The following RGS7 variants were observed in gnomAD, a reference collection of about 807,000 sequenced individuals.
RGS7 encodes regulator of G protein signaling 7.
RGS7 carries 27 observed loss-of-function variants against 81.1 expected under a neutral mutation model. That is an observed-to-expected ratio of 0.33 (90% confidence interval 0.25 to 0.46). The LOEUF is 0.46. Among genes scored for constraint, RGS7 ranks in the 20% least tolerant of loss-of-function variants. The pLI is 1.00. For missense variants in RGS7, 396 were observed against 607.4 expected, an observed-to-expected ratio of 0.65 and a Z score of 3.66; for synonymous variants, 208 against 207.7, an observed-to-expected ratio of 1.00 and a Z score of -0.01.
rs1572907423 is a variant in RGS7 at position 241,153,289 on chromosome 1, G to A, written c.79-54527C>T. On this transcript the variant is annotated intron_variant, in intron 2 of 18. Coordinates refer to ENST00000440928, the MANE Select transcript of RGS7 (RefSeq NM_001364886.1). ...AGGGCACAGCATTTGTGCAGGTACT[G>A]TGAGACCAAATGCACTGCCTTCAAG... is the stretch of plus-strand genomic sequence containing the variant. Among the ~76,000 whole-genome samples, 3 of 152,344 alleles carry A rather than the reference G, an allele frequency of 2.0e-5. No homozygotes were observed. In the South Asian group the frequency reaches 6.2e-4, roughly 32 times the overall value.
intron 14 of RGS7, 61 bp downstream of exon 14, chr1:240,811,857 T>C: frequency 7.0e-7 from 1 of 1,422,432 alleles, no homozygotes. Context: ...ACCTCCAAAA[T>C]AACCAGACAC....
intron 9 of RGS7, among the ~76,000 whole-genome samples, chr1:240,863,507 G>A (rs1286375879): frequency 6.6e-6 from 1 of 152,096 alleles, no homozygotes; most frequent in African/African-American, 2.4e-5. Flanking sequence ...TAAAAATGTA[G>A]ATCCTTTTTG....
At chr1:241,104,985 G>T (rs1460600879) in intron 2 of RGS7, among the ~76,000 whole-genome samples, 1 of 152,132 alleles carries the variant, frequency 6.6e-6, no homozygotes, top group Non-Finnish European at 1.5e-5. Flanking sequence ...TTTAAGATTT[G>T]GTCTTGAGAT....
At chr1:240,974,953 A>G (rs969088499) in intron 4 of RGS7, among the ~76,000 whole-genome samples, 14 of 151,908 alleles carry the variant, frequency 9.2e-5, no homozygotes, top group African/African-American at 3.4e-4. Flanking sequence ...GCCTGTAACC[A>G]GTAAGTGCTT....
chr1:241,257,617 C>A (rs1162049607), intron 2 of RGS7, among the ~76,000 whole-genome samples: 4 of 152,094 alleles, frequency 2.6e-5, no homozygotes, highest in Admixed American at 2.0e-4. Flanking sequence ...TAAATTCTGT[C>A]CAAAGTGTGA....
intron 18 of RGS7, among the ~76,000 whole-genome samples, chr1:240,792,691 A>G (rs937099404): frequency 6.6e-6 from 1 of 152,198 alleles, no homozygotes; most frequent in Non-Finnish European, 1.5e-5. Context: ...AGTTCGTGGA[A>G]AGCCAAATCT....
chr1:241,345,677 G>GA lies in RGS7; in HGVS notation c.78+10021dup, dbSNP rs567247666. 6.6e-5 allele frequency among the ~76,000 whole-genome samples: 10 copies of GA among 152,232 alleles called. No homozygotes were observed. The South Asian group carries it at 1.0e-3, about 16-fold the overall frequency. On this transcript the variant is annotated intron_variant, in intron 2 of 18. Coordinates refer to ENST00000440928, the MANE Select transcript of RGS7 (RefSeq NM_001364886.1). Reference sequence around the variant, plus strand: ...AGGCCTGGTATGGCATCTTGGAGAAGAAAAAATCACAAATTCCAATTTCCA... The same window carrying GA: ...AGGCCTGGTATGGCATCTTGGAGAAGAAAAAAATCACAAATTCCAATTTCCA...
At chr1:241,335,217 T>A (rs949281461) in intron 2 of RGS7, among the ~76,000 whole-genome samples, 11 of 152,170 alleles carry the variant, frequency 7.2e-5, no homozygotes, top group African/African-American at 2.4e-4. Flanking sequence ...GATCCTTACA[T>A]CCACTATACC....
intron 9 of RGS7, among the ~76,000 whole-genome samples, chr1:240,844,290 C>T (rs1437920893): frequency 6.6e-6 from 1 of 152,058 alleles, no homozygotes; most frequent in African/African-American, 2.4e-5. Context: ...CTTCCCTCCC[C>T]GACACCTGCC....
At chr1:241,037,901 G>C (rs2060417195) in intron 3 of RGS7, among the ~76,000 whole-genome samples, 1 of 152,138 alleles carries the variant, frequency 6.6e-6, no homozygotes, top group South Asian at 2.1e-4. Flanking sequence ...TCACTTATAA[G>C]TAAGGGCTAA....
At chr1:241,205,053 T>A (rs539825177) in intron 2 of RGS7, among the ~76,000 whole-genome samples, 27 of 150,700 alleles carry the variant, frequency 1.8e-4, no homozygotes, top group Non-Finnish European at 2.8e-4. Context: ...ATAGAATCCA[T>A]AGATCCCCTA....
intron 2 of RGS7, among the ~76,000 whole-genome samples, chr1:241,286,414 C>T (rs1295598235): frequency 6.6e-6 from 1 of 152,168 alleles, no homozygotes; most frequent in East Asian, 1.9e-4. Flanking sequence ...ATTACACATA[C>T]ACGCCACTTC....
At chr1:240,810,142 C>T (rs1043361685) in intron 14 of RGS7, among the ~76,000 whole-genome samples, 2 of 152,118 alleles carry the variant, frequency 1.3e-5, no homozygotes, top group South Asian at 2.1e-4. Flanking sequence ...AGTATCCCTT[C>T]GCTGATCTCT....
chr1:241,060,048 C>T (rs548662846), intron 3 of RGS7, among the ~76,000 whole-genome samples: 1 of 152,254 alleles, frequency 6.6e-6, no homozygotes, highest in Non-Finnish European at 1.5e-5. Context: ...AGGCACCTCC[C>T]AAACCTAGGG....
chr1:241,239,013 G>T (rs2076136149), intron 2 of RGS7, among the ~76,000 whole-genome samples: 1 of 135,944 alleles, frequency 7.4e-6, no homozygotes, highest in Non-Finnish European at 1.5e-5. Context: ...CTGTTGCCCA[G>T]GCTGGAGTGC....
rs555911347 is a variant in RGS7, at chr1:240,911,125, T to C, written c.385+19592A>G. Among the ~76,000 whole-genome samples the C allele has an allele frequency of 4.6e-5, 7 of 152,324 alleles. No individual in the cohort carries two copies. The East Asian group carries it at 9.6e-4, about 21-fold the overall frequency. ...CTCTCTCTCAATCTCTCTCCTTTCA[T>C]TGAAGCTTCCCTTTAATTCCCAAAT... On this transcript the variant is annotated intron_variant, in intron 6 of 18. Coordinates refer to ENST00000440928, the MANE Select transcript of RGS7 (RefSeq NM_001364886.1).
intron 3 of RGS7, among the ~76,000 whole-genome samples, chr1:240,997,057 C>T (rs537194925): frequency 2.1e-4 from 32 of 152,230 alleles, no homozygotes; most frequent in African/African-American, 7.5e-4. Flanking sequence ...TTAAGTGATC[C>T]TCCCAGCTCA....
At chr1:241,338,465 G>A (rs1037000703) in intron 2 of RGS7, among the ~76,000 whole-genome samples, 1 of 152,044 alleles carries the variant, frequency 6.6e-6, no homozygotes, top group Non-Finnish European at 1.5e-5. Flanking sequence ...TACAGAACCT[G>A]TCACATGAGG....
intron 6 of RGS7, among the ~76,000 whole-genome samples, chr1:240,878,571 A>C (rs1665868128): frequency 6.8e-6 from 1 of 147,756 alleles, no homozygotes; most frequent in Non-Finnish European, 1.5e-5. Flanking sequence ...AACATTTTTA[A>C]ATTAGACTTA....
Sources: gnomAD v4.1 joint callset for allele counts (sites outside exome capture counted in the v4.1 genomes callset) on GRCh38, gnomAD v4.1.1 for gene constraint, MANE v1.5 for transcripts, NCBI Gene and HGNC (gene_info 2026-07-23, HGNC 2026-07-21) for gene names.